The following SMIM14 variants were observed in gnomAD, a reference collection of about 807,000 sequenced individuals.
The protein encoded by SMIM14 is small integral membrane protein 14, also known as chromosome 4 open reading frame 34.
In SMIM14, 5 loss-of-function variants were observed where a neutral mutation model predicts 12.6. The observed-to-expected ratio is 0.40, with a 90% CI of 0.21 to 0.83. The LOEUF (loss-of-function observed/expected upper bound fraction) is 0.83, where lower values mean the gene tolerates loss of function less well. Ranked by LOEUF, SMIM14 falls within the 40% of genes least tolerant of loss-of-function variation. The pLI is 0.37. For missense variants in SMIM14, 86 were observed against 119.1 expected, an observed-to-expected ratio of 0.72 and a Z score of 1.29; for synonymous variants, 30 against 40.1, an observed-to-expected ratio of 0.75 and a Z score of 0.95.
In SMIM14 at chr4:39,547,094, G is replaced by C. The variant is rs993280107; in HGVS notation, c.*5032C>G. The C allele has an allele frequency of 1.3e-5, 2 of 152,156 alleles. No homozygotes were observed. The highest frequency in any genetic ancestry group is 2.9e-5 in the Non-Finnish European group (2 of 68,016). 9.4% of individuals were successfully genotyped at this position (152,156 alleles called of 1,614,324 possible). A position where few individuals can be genotyped will look rare whatever the true frequency, so the allele number is the denominator to read the frequency against. On this transcript the variant is annotated 3_prime_UTR_variant, in exon 5 of 5. Coordinates refer to ENST00000295958, the MANE Select transcript of SMIM14 (RefSeq NM_174921.3). ...TGTGACTGCAATCTAATTTCCAAGA[G>C]AGAAACTCTACTTCTGAATACTGGC...
intron 3 of SMIM14, among the ~76,000 whole-genome samples, chr4:39,568,393 A>AT (rs1204748310): frequency 6.6e-6 from 1 of 152,218 alleles, no homozygotes; most frequent in Non-Finnish European, 1.5e-5. Context: ...AAATGAATAA[A>AT]TGATATTTCT....
intron 1 of SMIM14, among the ~76,000 whole-genome samples, chr4:39,618,649 C>CAAAAAAAAAAAAAA (rs34837742): frequency 2.2e-5 from 2 of 92,420 alleles, no homozygotes; most frequent in African/African-American, 4.4e-5. Flanking sequence ...GACTCCATCT[C>CAAAAAAAAAAAAAA]AAAAAAAAAA....
intron 1 of SMIM14, among the ~76,000 whole-genome samples, chr4:39,623,024 A>AAAAG (rs1578366503): frequency 6.6e-6 from 1 of 152,222 alleles, no homozygotes. Context: ...AAACCAACCT[A>AAAAG]GTAAAAGGAC....
intron 2 of SMIM14, chr4:39,594,336 A>T (rs1313786503): frequency 6.6e-6 from 1 of 152,234 alleles, no homozygotes; most frequent in African/African-American, 2.4e-5. Context: ...GTGCTGGGAA[A>T]ACTGGCTAGC....
At chr4:39,623,681 GAAACTCCATCTCTACTAAAA>G (rs1174963861) in intron 1 of SMIM14, among the ~76,000 whole-genome samples, 1 of 152,126 alleles carries the variant, frequency 6.6e-6, no homozygotes, top group African/African-American at 2.4e-5. Flanking sequence ...CCAACATGGT[GAAACTCCATCTCTACTAAAA>G]ATACAAAAAA....
At chr4:39,575,069 C>A (rs902992926) in intron 2 of SMIM14, among the ~76,000 whole-genome samples, 1 of 145,252 alleles carries the variant, frequency 6.9e-6, no homozygotes, top group Non-Finnish European at 1.5e-5. Flanking sequence ...TTAATAAGAA[C>A]GAGAAAATAG....
chr4:39,634,827 T>C (rs1327870808), intron 1 of SMIM14, among the ~76,000 whole-genome samples: 1 of 151,838 alleles, frequency 6.6e-6, no homozygotes, highest in Non-Finnish European at 1.5e-5. Context: ...AATTAGGACT[T>C]TTCCATGGGA....
At chr4:39,600,828 G>A (rs1361498372) in intron 2 of SMIM14, among the ~76,000 whole-genome samples, 6 of 152,060 alleles carry the variant, frequency 3.9e-5, no homozygotes, top group African/African-American at 9.7e-5. Flanking sequence ...CAGAGATCGC[G>A]CCATTGCACT....
rs1407524483 is a variant in SMIM14, at chr4:39,558,881, T to C, written c.125-2311A>G. On this transcript the variant is annotated intron_variant, in intron 3 of 4. Transcript: ENST00000295958. This position sits in a 1 kb window ranked among gnomAD's most constrained non-coding sequence, Gnocchi z 4.3. ...ATGCCACCATGCCTGGCTAACTTTT[T>C]GTATCTTTAGTAGAGATGGGGTTTC... is the stretch of plus-strand genomic sequence containing the variant. Among the ~76,000 whole-genome samples, 1 of 152,060 alleles carries C rather than the reference T, an allele frequency of 6.6e-6. No individual in the cohort carries two copies. Among genetic ancestry groups the C allele is most frequent in the Non-Finnish European group, 1.5e-5 (1 of 68,018 alleles).
chr4:39,607,672 G>T (rs1714864112), intron 1 of SMIM14, among the ~76,000 whole-genome samples: 2 of 152,164 alleles, frequency 1.3e-5, no homozygotes, highest in Admixed American at 1.3e-4. Flanking sequence ...AGTAGACACA[G>T]ATACTAATCT....
chr4:39,556,105 G>A (rs1215392206), intron 4 of SMIM14, among the ~76,000 whole-genome samples: 1 of 151,442 alleles, frequency 6.6e-6, no homozygotes, highest in Non-Finnish European at 1.5e-5. Flanking sequence ...GGAGGCTTCA[G>A]TGAGCTAAGA....
At position 39,620,068 on chromosome 4, in the gene SMIM14, T is replaced by C. The variant is rs1293901853; in HGVS notation, c.-35-14888A>G. ...CTTAAAAAAATATTTTTGCTGGGCA[T>C]GGTAGCTCATGCCTGTAATCCCAGC... On this transcript the variant is annotated intron_variant, in intron 1 of 4. Transcript: ENST00000295958. 4.0e-5 allele frequency among the ~76,000 whole-genome samples: 6 copies of C among 150,970 alleles called. No homozygotes were observed. In the East Asian group the frequency reaches 1.2e-3, roughly 29 times the overall value.
intron 1 of SMIM14, among the ~76,000 whole-genome samples, chr4:39,620,019 G>A (rs943079783): frequency 2.7e-5 from 4 of 150,736 alleles, no homozygotes; most frequent in African/African-American, 9.8e-5. Context: ...TGGGACTAGA[G>A]GCACAGGCCA....
At chr4:39,619,103 C>G (rs1046309419) in intron 1 of SMIM14, among the ~76,000 whole-genome samples, 2 of 150,508 alleles carry the variant, frequency 1.3e-5, no homozygotes, top group East Asian at 1.9e-4. Context: ...ATGTTCAGTT[C>G]AAGAGAAAAT....
chr4:39,606,072 G>A (rs776389111), intron 1 of SMIM14, among the ~76,000 whole-genome samples: 12 of 152,112 alleles, frequency 7.9e-5, no homozygotes, highest in Non-Finnish European at 1.6e-4. Context: ...AAGGCCAGGC[G>A]CACTGGCTTA....
At chr4:39,594,478 A>C (rs1405915652) in intron 2 of SMIM14, 1 of 150,726 alleles carries the variant, frequency 6.6e-6, no homozygotes, top group Non-Finnish European at 1.5e-5. Context: ...ATTACCATTC[A>C]GGACATAGGC....
intron 1 of SMIM14, among the ~76,000 whole-genome samples, chr4:39,617,775 G>C (rs554699057): frequency 2.0e-5 from 3 of 152,062 alleles, no homozygotes; most frequent in Admixed American, 6.6e-5. Context: ...CTTTAACAGC[G>C]GAAGAGAATC....
intron 2 of SMIM14, among the ~76,000 whole-genome samples, chr4:39,596,319 TC>T (rs1158851428): frequency 6.6e-6 from 1 of 152,120 alleles, no homozygotes; most frequent in African/African-American, 2.4e-5. Flanking sequence ...GGTCTCGAAC[TC>T]CCGACCTCAG....
At chr4:39,556,665 T>C in intron 3 of SMIM14, 95 bp from the exon 4 acceptor site, 1 of 1,105,436 alleles carries the variant, frequency 9.0e-7, no homozygotes, top group Non-Finnish European at 1.2e-6. Flanking sequence ...ACTGTATTAA[T>C]ATAAAAATTG....
Sources: allele counts gnomAD v4.1 joint callset (sites outside exome capture counted in the v4.1 genomes callset), GRCh38; gene constraint gnomAD v4.1.1; non-coding constraint Gnocchi (gnomAD v3.1); transcripts MANE v1.5; gene names NCBI Gene and HGNC (gene_info 2026-07-23, HGNC 2026-07-21).